MVB12B: variants seen among roughly 807,000 people sequenced by gnomAD.
The protein encoded by MVB12B is ESCRT-I complex subunit MVB12B.
Under a neutral mutation model 41.6 loss-of-function variants are expected in MVB12B, and 16 were observed. That is an observed-to-expected ratio of 0.38 (90% CI 0.26 to 0.58). The LOEUF (loss-of-function observed/expected upper bound fraction) is 0.58. Ranked by LOEUF, MVB12B falls within the 20% of genes least tolerant of loss-of-function variation. The pLI is 0.62. For missense variants in MVB12B, 274 were observed against 380.2 expected, an observed-to-expected ratio of 0.72 and a Z score of 2.32; for synonymous variants, 133 against 139.7, an observed-to-expected ratio of 0.95 and a Z score of 0.34.
Position 126,478,401 on chromosome 9 carries a change from C to A in MVB12B, c.758-2968C>A, listed in dbSNP as rs989813055. Among the ~76,000 whole-genome samples the A allele has an allele frequency of 6.6e-6, 1 of 152,164 alleles. No homozygotes were observed. The highest frequency in any genetic ancestry group is 2.4e-5 in the African/African-American group (1 of 41,450). ...CCTGTCCAGCACAGCCCCTGAGCCC[C>A]CAGGCCCTGCCCCTGGGCTGGGGAC... is the stretch of plus-strand genomic sequence containing the variant. On this transcript the variant is annotated intron_variant, in intron 7 of 9. Coordinates refer to ENST00000361171, the MANE Select transcript of MVB12B (RefSeq NM_033446.3). This position sits in a 1 kb window ranked among gnomAD's most constrained non-coding sequence, Gnocchi z 4.2.
At chr9:126,447,535 G>A (rs1297533339) in intron 7 of MVB12B, among the ~76,000 whole-genome samples, 4 of 151,862 alleles carry the variant, frequency 2.6e-5, no homozygotes, top group East Asian at 1.9e-4. Flanking sequence ...GTAATTATCC[G>A]AGAATATGAC....
chr9:126,453,454 G>A (rs961244116), intron 7 of MVB12B, among the ~76,000 whole-genome samples: 9 of 152,168 alleles, frequency 5.9e-5, no homozygotes, highest in Non-Finnish European at 1.5e-5. Flanking sequence ...ATGGAGTTTT[G>A]TTTTCATACC....
chr9:126,427,767 G>A (rs927728352), intron 7 of MVB12B, among the ~76,000 whole-genome samples: 3 of 152,146 alleles, frequency 2.0e-5, no homozygotes, highest in Admixed American at 1.3e-4. Context: ...AGTGAGCTGC[G>A]GGGCTAGGAC....
intron 7 of MVB12B, among the ~76,000 whole-genome samples, chr9:126,434,029 G>A (rs545201041): frequency 2.0e-5 from 3 of 152,166 alleles, no homozygotes; most frequent in Non-Finnish European, 4.4e-5. Context: ...ACAGTATGAG[G>A]GTCCCCCTTT....
intron 7 of MVB12B, among the ~76,000 whole-genome samples, chr9:126,457,193 A>G (rs2119170285): frequency 6.6e-6 from 1 of 152,250 alleles, no homozygotes; most frequent in Admixed American, 6.5e-5. Flanking sequence ...ACTGCGGCCA[A>G]GTCTCTCCCC....
At chr9:126,419,701 C>G (rs1328265274) in intron 6 of MVB12B, among the ~76,000 whole-genome samples, 1 of 152,190 alleles carries the variant, frequency 6.6e-6, no homozygotes, top group Non-Finnish European at 1.5e-5. Context: ...CCTTCTGCAG[C>G]TGCTCCTCAC....
chr9:126,399,933 G>A (rs1831222708), intron 6 of MVB12B, among the ~76,000 whole-genome samples: 1 of 152,192 alleles, frequency 6.6e-6, no homozygotes, highest in South Asian at 2.1e-4. Flanking sequence ...CGCAGGCGGA[G>A]AGGGCCCCCG....
intron 6 of MVB12B, among the ~76,000 whole-genome samples, chr9:126,403,377 C>A (rs751257319): frequency 4.5e-4 from 69 of 152,232 alleles, no homozygotes; most frequent in Non-Finnish European, 9.4e-4. Context: ...AGGATTGGCC[C>A]TGGCCAGCCC....
intron 9 of MVB12B, among the ~76,000 whole-genome samples, chr9:126,485,764 A>G (rs201644149): frequency 1.3e-5 from 2 of 151,524 alleles, no homozygotes; most frequent in South Asian, 2.1e-4. Context: ...TTCCTAATAA[A>G]AAAGAAACCC....
intron 7 of MVB12B, among the ~76,000 whole-genome samples, chr9:126,453,256 C>T (rs1178267999): frequency 3.9e-5 from 6 of 152,188 alleles, no homozygotes; most frequent in African/African-American, 1.4e-4. Context: ...TGAGCATCCC[C>T]ACCCACCCCA....
intron 2 of MVB12B, among the ~76,000 whole-genome samples, chr9:126,347,881 G>A (rs147596931): frequency 2.1e-3 from 316 of 152,322 alleles, no homozygotes; most frequent in Non-Finnish European, 3.4e-3. Flanking sequence ...CTGTGGTGGG[G>A]GGCCTTTCAG....
intron 9 of MVB12B, among the ~76,000 whole-genome samples, chr9:126,487,333 C>A (rs1833641276): frequency 6.6e-6 from 1 of 152,178 alleles, no homozygotes; most frequent in African/African-American, 2.4e-5. Flanking sequence ...TTCTCCTTGT[C>A]CACAGAGAAG....
At chr9:126,416,234 G>A (rs10760433) in intron 6 of MVB12B, among the ~76,000 whole-genome samples, 110,368 of 152,148 alleles carry the variant, frequency 0.73, 40,255 homozygotes, top group South Asian at 0.83. Flanking sequence ...ATTGAAGCTC[G>A]CGTACTTGCA....
At chr9:126,493,754 G>A (rs1833779767) in intron 9 of MVB12B, among the ~76,000 whole-genome samples, 1 of 152,186 alleles carries the variant, frequency 6.6e-6, no homozygotes, top group African/African-American at 2.4e-5. Flanking sequence ...TTGTGAACGA[G>A]ATCTTTTTTC....
rs932515388 is a variant in MVB12B, at chr9:126,395,811, T to C, written c.662+114T>C. The C allele has an allele frequency of 5.9e-6, 9 of 1,514,208 alleles. No individual in the cohort carries two copies. Among genetic ancestry groups the C allele is most frequent in the African/African-American group, 1.4e-5 (1 of 71,748 alleles). The allele number at this position is 1,514,208 out of a possible 1,614,324, so 93.8% of individuals were successfully genotyped here. On this transcript the variant is annotated intron_variant, in intron 6 of 9. Transcript: ENST00000361171. This position sits in a 1 kb window ranked among gnomAD's most constrained non-coding sequence, Gnocchi z 4.9. ...AATACTGCAAAGTACAGCTGAATAA[T>C]TGTAGAAGCAATATATCTTTAGAGG...
rs1204050349 is a variant in MVB12B, at chr9:126,468,094, T to A, written c.758-13275T>A. 2.0e-5 allele frequency among the ~76,000 whole-genome samples: 3 copies of A among 152,206 alleles called. No homozygotes were observed. Among genetic ancestry groups the A allele is most frequent in the Non-Finnish European group, 2.9e-5 (2 of 68,028 alleles). On this transcript the variant is annotated intron_variant, in intron 7 of 9. Transcript: ENST00000361171. This position sits in a 1 kb window ranked among gnomAD's most constrained non-coding sequence, Gnocchi z 4.3. ...TGATACATCTGATTTTGATCCAATA[T>A]CACAGAGTACATTCTGATCTTCCCA...
intron 6 of MVB12B, among the ~76,000 whole-genome samples, chr9:126,415,511 G>A (rs950070830): frequency 5.9e-5 from 9 of 152,158 alleles, no homozygotes; most frequent in South Asian, 4.1e-4. Flanking sequence ...AAGTAGTGCC[G>A]TGATGAATTT....
At chr9:126,401,024 C>G (rs141565542) in intron 6 of MVB12B, among the ~76,000 whole-genome samples, 5 of 152,294 alleles carry the variant, frequency 3.3e-5, no homozygotes, top group Non-Finnish European at 7.3e-5. Context: ...TTCCAGTAGC[C>G]TCACCCCACC....
At chr9:126,327,615 G>A (rs1214795448) in intron 1 of MVB12B, among the ~76,000 whole-genome samples, 3 of 152,182 alleles carry the variant, frequency 2.0e-5, no homozygotes, top group Non-Finnish European at 4.4e-5. Context: ...CCAGCGAGAC[G>A]GGAGGAGCAG....
Sources: gnomAD v4.1 joint callset for allele counts (sites outside exome capture counted in the v4.1 genomes callset) on GRCh38, gnomAD v4.1.1 for gene constraint, Gnocchi (gnomAD v3.1) non-coding constraint, MANE v1.5 for transcripts, NCBI Gene and HGNC (gene_info 2026-07-23, HGNC 2026-07-21) for gene names.